The following ALKBH8 variants were observed in gnomAD, a reference collection of about 807,000 sequenced individuals.
The protein encoded by ALKBH8 is alkB homolog 8, tRNA methyltransferase, also known as tRNA (carboxymethyluridine(34)-5-O)-methyltransferase ALKBH8.
A neutral mutation model predicts 59.8 loss-of-function variants in ALKBH8; 36 were observed. The observed-to-expected ratio is 0.60, with a 90% CI of 0.46 to 0.79. ALKBH8 has a LOEUF of 0.79. ALKBH8 is among the 30% of genes least tolerant of loss of function. The probability of loss-of-function intolerance (pLI) is 0.00; values close to 1 mark genes in which losing one functional copy is unlikely to be tolerated. For synonymous variants in ALKBH8, 276 were observed against 273.6 expected (o/e 1.01, Z -0.09); for missense variants, 768 against 801.0 (o/e 0.96, Z 0.50).
intron 4 of ALKBH8, 143 bp from the exon 5 acceptor site, chr11:107,553,346 C>A (rs2135576604): frequency 1.8e-6 from 1 of 543,382 alleles, no homozygotes; most frequent in South Asian, 2.8e-5. Context: ...ACAAAATTAA[C>A]CATTTTGCCT....
chr11:107,506,324 C>T (rs1364335384), intron 11 of ALKBH8, among the ~76,000 whole-genome samples: 1 of 151,188 alleles, frequency 6.6e-6, no homozygotes, highest in Non-Finnish European at 1.5e-5. Context: ...AAAAAGTACC[C>T]AAATCTTTTA....
intron 10 of ALKBH8, among the ~76,000 whole-genome samples, chr11:107,521,236 T>C (rs1239065039): frequency 2.6e-5 from 4 of 152,150 alleles, no homozygotes; most frequent in African/African-American, 9.7e-5. Flanking sequence ...TTGAGATGTA[T>C]GGCCCCACAA....
intron 10 of ALKBH8, among the ~76,000 whole-genome samples, chr11:107,517,120 A>G (rs1248399653): frequency 2.0e-5 from 3 of 152,218 alleles, no homozygotes; most frequent in East Asian, 1.9e-4. Context: ...TTAAAAATTT[A>G]TATTTCTTTA....
chr11:107,545,426 A>G (rs1591307013), intron 7 of ALKBH8, among the ~76,000 whole-genome samples: 1 of 152,326 alleles, frequency 6.6e-6, no homozygotes, highest in East Asian at 1.9e-4. Flanking sequence ...AATAATTTTT[A>G]CTCAGTACCC....
At chr11:107,549,971 G>A (rs972785728) in intron 6 of ALKBH8, 148 bp from the exon 7 acceptor site, 9 of 548,934 alleles carry the variant, frequency 1.6e-5, no homozygotes, top group Admixed American at 3.3e-5. Flanking sequence ...GAAACATTTA[G>A]GGTGAATGTG....
At chr11:107,559,433 C>T (rs1254133241) in intron 2 of ALKBH8, among the ~76,000 whole-genome samples, 2 of 152,082 alleles carry the variant, frequency 1.3e-5, no homozygotes, top group Non-Finnish European at 2.9e-5. Flanking sequence ...GACATCAAAG[C>T]TTCTAGAGAT....
chr11:107,522,275 A>G (rs537937283), intron 10 of ALKBH8, 24 bp downstream of exon 10: 482 of 1,548,166 alleles, frequency 3.1e-4, no homozygotes, highest in Non-Finnish European at 4.0e-4. Flanking sequence ...AAGCAAAAAG[A>G]AAGTCAAAAG....
At chr11:107,509,839 T>C (rs973628627) in intron 11 of ALKBH8, among the ~76,000 whole-genome samples, 2 of 152,176 alleles carry the variant, frequency 1.3e-5, no homozygotes, top group East Asian at 3.8e-4. Context: ...TATTTGTGAT[T>C]GCAAAAAATG....
At chr11:107,533,872 T>C (rs589517) in intron 7 of ALKBH8, among the ~76,000 whole-genome samples, 69,974 of 152,026 alleles carry the variant, frequency 0.46, 17,333 homozygotes, top group Non-Finnish European at 0.56. Flanking sequence ...CTCATGCCTG[T>C]AATCCCAGCA....
chr11:107,505,711 C>A (rs960099095), intron 11 of ALKBH8, among the ~76,000 whole-genome samples: 1 of 152,214 alleles, frequency 6.6e-6, no homozygotes, highest in African/African-American at 2.4e-5. Flanking sequence ...AGTAACACTG[C>A]AGGCAGGCCT....
At chr11:107,548,056 T>G (rs1864341134) in intron 7 of ALKBH8, among the ~76,000 whole-genome samples, 3 of 152,210 alleles carry the variant, frequency 2.0e-5, no homozygotes, top group African/African-American at 7.2e-5. Context: ...AGCACACTCC[T>G]AGTTTTTTTC....
chr11:107,555,327 T>A (rs1864663248), intron 3 of ALKBH8, among the ~76,000 whole-genome samples: 1 of 152,228 alleles, frequency 6.6e-6, no homozygotes, highest in Non-Finnish European at 1.5e-5. Context: ...TTCAAGGTTA[T>A]AAATGTGATT....
At chr11:107,521,921 C>T (rs755749598) in intron 10 of ALKBH8, among the ~76,000 whole-genome samples, 19 of 152,022 alleles carry the variant, frequency 1.2e-4, no homozygotes, top group Non-Finnish European at 2.5e-4. Context: ...CACTGTGAGC[C>T]CCAATTTCTT....
At chr11:107,555,290 C>A (rs913654391) in intron 3 of ALKBH8, among the ~76,000 whole-genome samples, 1 of 152,040 alleles carries the variant, frequency 6.6e-6, no homozygotes, top group East Asian at 1.9e-4. Context: ...ATTTGTGACA[C>A]ACTTCTGTTC....
chr11:107,509,462 T>C (rs1206450211), intron 11 of ALKBH8, among the ~76,000 whole-genome samples: 1 of 152,224 alleles, frequency 6.6e-6, no homozygotes, highest in Non-Finnish European at 1.5e-5. Flanking sequence ...ACCTTTTCAC[T>C]CTGCAGATAG....
At chr11:107,544,135 T>C (rs916982607) in intron 7 of ALKBH8, among the ~76,000 whole-genome samples, 10 of 152,242 alleles carry the variant, frequency 6.6e-5, no homozygotes, top group Non-Finnish European at 1.2e-4. Flanking sequence ...ATTCTAGTTC[T>C]ACAATCCAGA....
intron 7 of ALKBH8, among the ~76,000 whole-genome samples, chr11:107,546,528 G>A (rs1864263119): frequency 6.6e-6 from 1 of 152,114 alleles, no homozygotes; most frequent in Admixed American, 6.5e-5. Context: ...GGGGAGCACT[G>A]AGTATTTGAG....
At position 107,525,488 on chromosome 11, in the gene ALKBH8, C is replaced by T. The variant is rs1285437688; in HGVS notation, c.983G>A (p.Arg328Gln). Reference protein sequence around the residue: ...GDLTLSKRGLRTSFTFRKVRQ... With the variant: ...GDLTLSKRGLQTSFTFRKVRQ... ...CACTTTCCTAAATGTAAATGATGTT[C>T]GTAGTCCCCTCTTGCTTAAAGTTAA... Residue 328 changes from arginine (R) to glutamine (Q), a missense_variant, in exon 9 of 12, where the codon CGA (arginine) becomes CAA (glutamine). Transcript: ENST00000428149. 1.2e-5 allele frequency: 18 copies of T among 1,544,782 alleles called. No individual in the cohort carries two copies. Among genetic ancestry groups the T allele is most frequent in the Non-Finnish European group, 1.6e-5 (18 of 1,143,982 alleles).
At chr11:107,549,289 T>C (rs1391698271) in intron 7 of ALKBH8, among the ~76,000 whole-genome samples, 1 of 152,218 alleles carries the variant, frequency 6.6e-6, no homozygotes, top group Non-Finnish European at 1.5e-5. Context: ...TTATTCTTCA[T>C]CTGTAAAAAT....
Sources: gnomAD v4.1 joint callset for allele counts (sites outside exome capture counted in the v4.1 genomes callset) on GRCh38, gnomAD v4.1.1 for gene constraint, MANE v1.5 for transcripts, NCBI Gene and HGNC (gene_info 2026-07-23, HGNC 2026-07-21) for gene names.